Variants in PRRX2 observed in about 807,000 individuals in gnomAD.
The protein encoded by PRRX2 is paired mesoderm homeobox protein 2.
A neutral mutation model predicts 18.0 loss-of-function variants in PRRX2; 11 were observed. The observed-to-expected ratio is 0.61, with a 90% confidence interval of 0.39 to 1.01. The LOEUF is 1.01. PRRX2 is among the 50% of genes least tolerant of loss of function. The pLI, the probability that PRRX2 is intolerant of heterozygous loss-of-function variation, is 0.01. For synonymous variants in PRRX2, 177 were observed against 154.8 expected (o/e 1.14, Z -1.06); for missense variants, 387 against 351.0 (o/e 1.10, Z -0.82).
chr9:129,705,951 TC>T (rs1832551997), intron 1 of PRRX2, among the ~76,000 whole-genome samples: 1 of 151,836 alleles, frequency 6.6e-6, no homozygotes, highest in African/African-American at 2.4e-5. Context: ...TCTTGGGGCC[TC>T]CCCGGCACCC....
chr9:129,665,851 C>T lies in PRRX2; in HGVS notation c.-17C>T, dbSNP rs1353735763. 9.6e-7 allele frequency: 1 copy of T among 1,036,730 alleles called. No individual in the cohort carries two copies. The highest frequency in any genetic ancestry group is 1.7e-5 in the African/African-American group (1 of 58,086). 64.2% of individuals were successfully genotyped at this position (1,036,730 alleles called of 1,614,324 possible). A position where few individuals can be genotyped will look rare whatever the true frequency, so the allele number is the denominator to read the frequency against. On this transcript the variant is annotated 5_prime_UTR_variant, in exon 1 of 4. Transcript: ENST00000372469. This position sits in a 1 kb window ranked among gnomAD's most constrained non-coding sequence, Gnocchi z 5.3. The stretch of plus-strand genomic sequence containing the variant: ...AGCCCGAGACCCCCGCCGGCCCCCC[C>T]GGGGCCGCTCGCGGGCATGGACAGC...
intron 1 of PRRX2, among the ~76,000 whole-genome samples, chr9:129,714,084 C>T (rs1832672015): frequency 6.6e-6 from 1 of 151,278 alleles, no homozygotes; most frequent in Non-Finnish European, 1.5e-5. Flanking sequence ...AGGTGGATCA[C>T]CTGAGGTCAG....
rs900906794 is a variant in PRRX2 at position 129,709,481 on chromosome 9, G to C, written c.260-9750G>C. 6.6e-6 allele frequency among the ~76,000 whole-genome samples: 1 copy of C among 152,208 alleles called. No homozygotes were observed. Among genetic ancestry groups the C allele is most frequent in the Non-Finnish European group, 1.5e-5 (1 of 68,030 alleles). ...AGCCACACTGGCTACCGGCCCCCAG[G>C]GCTGGGAGCAGGTCAGAGCACGGCA... On this transcript the variant is annotated intron_variant, in intron 1 of 3. Coordinates refer to ENST00000372469, the MANE Select transcript of PRRX2 (RefSeq NM_016307.4). This position sits in a 1 kb window ranked among gnomAD's most constrained non-coding sequence, Gnocchi z 4.2.
Position 129,722,292 on chromosome 9 carries a change from C to A in PRRX2, c.702C>A (p.Ser234Arg). Reference protein sequence around the residue: ...PGVNMANSIASLRLKAKEFSL... With the variant: ...PGVNMANSIARLRLKAKEFSL... ...TCAACATGGCCAACAGCATCGCCAG[C>A]CTCCGTCTCAAGGCCAAGGAGTTCA... Residue 234 changes from serine to arginine, a missense_variant, in exon 4 of 4, where the codon AGC becomes AGA. Coordinates refer to ENST00000372469, the MANE Select transcript of PRRX2 (RefSeq NM_016307.4). The A allele has an allele frequency of 1.9e-6, 3 of 1,614,072 alleles. No homozygotes were observed. Among genetic ancestry groups the A allele is most frequent in the Non-Finnish European group, 2.5e-6 (3 of 1,180,014 alleles).
Position 129,680,906 on chromosome 9 carries a change from T to C in PRRX2, c.259+14780T>C, listed in dbSNP as rs1397299400. Among the ~76,000 whole-genome samples, 4 of 152,380 alleles carry C rather than the reference T, an allele frequency of 2.6e-5. No individual in the cohort carries two copies. In the East Asian group the frequency reaches 7.7e-4, roughly 29 times the overall value. On this transcript the variant is annotated intron_variant, in intron 1 of 3. Coordinates refer to ENST00000372469, the MANE Select transcript of PRRX2 (RefSeq NM_016307.4). ...ACCATATATAATGGCAGATACCATC[T>C]ATAAAACACAACTGTTTTTGTAATG... is the stretch of plus-strand genomic sequence containing the variant.
At chr9:129,669,993 A>G (rs922913468) in intron 1 of PRRX2, among the ~76,000 whole-genome samples, 4 of 147,036 alleles carry the variant, frequency 2.7e-5, no homozygotes, top group Non-Finnish European at 6.0e-5. Flanking sequence ...TTGAACATGC[A>G]TTCCCCCTCC....
chr9:129,709,166 A>T lies in PRRX2; in HGVS notation c.260-10065A>T, dbSNP rs572343164. Among the ~76,000 whole-genome samples the T allele has an allele frequency of 2.2e-4, 34 of 152,234 alleles. No homozygotes were observed. In the South Asian group the frequency reaches 3.3e-3, roughly 15 times the overall value. ...GTGCCCTAGCTAGAGGGAACAGCAG[A>T]TACCAAGGCCCAGAGGTGGGAAGGT... On this transcript the variant is annotated intron_variant, in intron 1 of 3. Coordinates refer to ENST00000372469, the MANE Select transcript of PRRX2 (RefSeq NM_016307.4). This position sits in a 1 kb window ranked among gnomAD's most constrained non-coding sequence, Gnocchi z 4.2.
At chr9:129,684,518 AC>A (rs1832278425) in intron 1 of PRRX2, among the ~76,000 whole-genome samples, 1 of 38,370 alleles carries the variant, frequency 2.6e-5, no homozygotes, top group Non-Finnish European at 7.0e-5. Flanking sequence ...ACACACACAC[AC>A]ACACCCACAC....
intron 1 of PRRX2, among the ~76,000 whole-genome samples, chr9:129,684,504 ACACACACACACACACACACC>A (rs374398598): frequency 0.39 from 52,885 of 136,990 alleles, 10,433 homozygotes; most frequent in Non-Finnish European, 0.45. Context: ...ACACACACAC[ACACACACACACACACACACC>A]CACACACACC....
At chr9:129,708,825 T>A (rs1435992583) in intron 1 of PRRX2, among the ~76,000 whole-genome samples, 1 of 152,238 alleles carries the variant, frequency 6.6e-6, no homozygotes, top group Non-Finnish European at 1.5e-5. Flanking sequence ...TACATAGTCA[T>A]TCATTCAGAA....
chr9:129,673,652 C>CCACACACACACACA (rs3054761), intron 1 of PRRX2, among the ~76,000 whole-genome samples: 29 of 149,326 alleles, frequency 1.9e-4, no homozygotes, highest in Non-Finnish European at 3.3e-4. Context: ...ACCCCCCATG[C>CCACACACACACACA]CACACACACA....
chr9:129,686,386 G>A (rs1243977347), intron 1 of PRRX2, among the ~76,000 whole-genome samples: 1 of 152,152 alleles, frequency 6.6e-6, no homozygotes, highest in African/African-American at 2.4e-5. Context: ...TTGCTGTGTC[G>A]CCCAGGCTGG....
At chr9:129,703,911 G>A (rs983811894) in intron 1 of PRRX2, among the ~76,000 whole-genome samples, 4 of 152,266 alleles carry the variant, frequency 2.6e-5, no homozygotes, top group African/African-American at 9.6e-5. Context: ...GGCACGGCAG[G>A]TCCCGTCAGC....
At chr9:129,683,418 C>T (rs534929272) in intron 1 of PRRX2, among the ~76,000 whole-genome samples, 1 of 152,174 alleles carries the variant, frequency 6.6e-6, no homozygotes, top group Non-Finnish European at 1.5e-5. Flanking sequence ...CAGCCCTTAT[C>T]GAGCTTACAG....
chr9:129,708,097 G>A (rs1052625103), intron 1 of PRRX2, among the ~76,000 whole-genome samples: 14 of 152,084 alleles, frequency 9.2e-5, no homozygotes, highest in Admixed American at 7.2e-4. Context: ...AGTGCAGTGC[G>A]TGATCTCGGC....
intron 1 of PRRX2, among the ~76,000 whole-genome samples, chr9:129,706,829 C>A (rs1187764480): frequency 6.6e-6 from 1 of 152,118 alleles, no homozygotes; most frequent in East Asian, 1.9e-4. Flanking sequence ...CATTTTCATA[C>A]CCCCAAAAGA....
intron 1 of PRRX2, among the ~76,000 whole-genome samples, chr9:129,690,272 C>T (rs1385863841): frequency 6.6e-6 from 1 of 152,168 alleles, no homozygotes; most frequent in Middle Eastern, 3.2e-3. Flanking sequence ...ATGACTTTTC[C>T]AGCCCTCTGG....
At chr9:129,672,127 G>A (rs1832107363) in intron 1 of PRRX2, among the ~76,000 whole-genome samples, 1 of 152,136 alleles carries the variant, frequency 6.6e-6, no homozygotes, top group African/African-American at 2.4e-5. Context: ...CTCACCCAGG[G>A]TGGAAGGGGA....
intron 1 of PRRX2, among the ~76,000 whole-genome samples, chr9:129,703,377 T>C (rs756688112): frequency 2.6e-5 from 4 of 152,148 alleles, no homozygotes; most frequent in Non-Finnish European, 5.9e-5. Flanking sequence ...AGCTCTTAAA[T>C]GGGGAAGAGC....
Sources: allele counts gnomAD v4.1 joint callset (sites outside exome capture counted in the v4.1 genomes callset), GRCh38; gene constraint gnomAD v4.1.1; non-coding constraint Gnocchi (gnomAD v3.1); transcripts MANE v1.5; gene names NCBI Gene and HGNC (gene_info 2026-07-23, HGNC 2026-07-21).